The following CNTNAP5 variants were observed in gnomAD, a reference collection of about 807,000 sequenced individuals.
CNTNAP5 encodes contactin-associated protein-like 5.
Under a neutral mutation model 150.2 loss-of-function variants are expected in CNTNAP5, and 72 were observed. The observed-to-expected ratio is 0.48, with a 90% CI of 0.40 to 0.58. CNTNAP5 has a LOEUF of 0.58. Among genes scored for constraint, CNTNAP5 ranks in the 20% least tolerant of loss-of-function variants. The pLI, the probability that CNTNAP5 is intolerant of heterozygous loss-of-function variation, is 0.00. For synonymous variants in CNTNAP5, 672 were observed against 619.8 expected (o/e 1.08, Z -1.25); for missense variants, 1,636 against 1,626.2 (o/e 1.01, Z -0.10).
intron 9 of CNTNAP5, 43 bp downstream of exon 9, chr2:124,524,495 G>A (rs1480024500): frequency 1.3e-6 from 2 of 1,551,414 alleles, no homozygotes; most frequent in Non-Finnish European, 1.8e-6. Context: ...AGAAGGGAGG[G>A]AAATTTAAGT....
chr2:124,175,395 AT>A (rs1317692537), intron 1 of CNTNAP5, among the ~76,000 whole-genome samples: 1 of 151,998 alleles, frequency 6.6e-6, no homozygotes. Flanking sequence ...ATTCCTTATA[AT>A]TTTTTTGCCA....
intron 11 of CNTNAP5, among the ~76,000 whole-genome samples, chr2:124,603,133 T>C (rs973751250): frequency 1.3e-5 from 2 of 151,814 alleles, no homozygotes; most frequent in Admixed American, 6.6e-5. Context: ...GATCTAAGCA[T>C]AGTGTTTGAC....
chr2:124,751,502 A>G (rs1680727261), intron 14 of CNTNAP5, among the ~76,000 whole-genome samples: 1 of 152,244 alleles, frequency 6.6e-6, no homozygotes, highest in African/African-American at 2.4e-5. Context: ...TTATTTATCT[A>G]TCAAACTCTA....
At chr2:124,911,322 G>T in intron 22 of CNTNAP5, 145 bp from the exon 23 acceptor site, 1 of 632,646 alleles carries the variant, frequency 1.6e-6, no homozygotes. Flanking sequence ...CATGTTTTTT[G>T]AGTTCCTTGC....
At chr2:124,831,406 T>C (rs1459886646) in intron 19 of CNTNAP5, among the ~76,000 whole-genome samples, 1 of 151,916 alleles carries the variant, frequency 6.6e-6, no homozygotes, top group Non-Finnish European at 1.5e-5. Context: ...CTTTCTTTCC[T>C]ACTTACTGGT....
Position 124,065,457 on chromosome 2 carries a change from C to T in CNTNAP5, c.82+39725C>T, listed in dbSNP as rs140988010. On this transcript the variant is annotated intron_variant, in intron 1 of 23. Transcript: ENST00000682447. ...ATGTATTCTGTGGGTATAAAAAACC[C>T]CCCAGCAGCTCTGCCCACCACTAAA... Among the ~76,000 whole-genome samples the T allele has an allele frequency of 3.6e-3, 546 of 152,212 alleles. 3 individuals carry two copies. Among genetic ancestry groups the T allele is most frequent in the African/African-American group, 0.013 (525 of 41,530 alleles).
intron 3 of CNTNAP5, among the ~76,000 whole-genome samples, chr2:124,275,890 T>C (rs1687871662): frequency 6.6e-6 from 1 of 152,302 alleles, no homozygotes; most frequent in Admixed American, 6.5e-5. Flanking sequence ...TTGTACCTGG[T>C]CATCAGACTT....
intron 3 of CNTNAP5, among the ~76,000 whole-genome samples, chr2:124,312,455 C>G (rs551378897): frequency 2.0e-5 from 3 of 152,162 alleles, no homozygotes; most frequent in Admixed American, 6.5e-5. Context: ...CCACCCGCCC[C>G]CCGGCTTCAA....
At position 124,747,231 on chromosome 2, in the gene CNTNAP5, G is replaced by A. The variant is rs371976730; in HGVS notation, c.2080G>A (p.Gly694Arg). The change falls in exon 14 of 24, where the codon GGA becomes AGA. Residue 694 changes from glycine (G) to arginine (R), a missense_variant and splice_region_variant. Transcript: ENST00000682447. Reference sequence around the variant, plus strand: ...TGGTGGAATATCTTGTCTTCCAGATGGAACACCATTTACCTGGTGGATTGG... The same window carrying A: ...TGGTGGAATATCTTGTCTTCCAGATAGAACACCATTTACCTGGTGGATTGG... Reference protein sequence around the residue: ...RRSRLLNTPDGTPFTWWIGRS... With the variant: ...RRSRLLNTPDRTPFTWWIGRS... The A allele has an allele frequency of 1.2e-6, 2 of 1,612,096 alleles. No homozygotes were observed. Among genetic ancestry groups the A allele is most frequent in the African/African-American group, 1.3e-5 (1 of 74,874 alleles).
chr2:124,296,924 G>A (rs1573898779), intron 3 of CNTNAP5, among the ~76,000 whole-genome samples: 1 of 152,284 alleles, frequency 6.6e-6, no homozygotes, highest in East Asian at 1.9e-4. Context: ...CTGCAATCCT[G>A]TTCAGCAAAC....
chr2:124,516,045 G>T (rs1475884357), intron 8 of CNTNAP5, among the ~76,000 whole-genome samples: 1 of 152,136 alleles, frequency 6.6e-6, no homozygotes, highest in South Asian at 2.1e-4. Flanking sequence ...GAAATTTCCA[G>T]CTTCAGGGAT....
chr2:124,170,566 A>G (rs7564468), intron 1 of CNTNAP5, among the ~76,000 whole-genome samples: 124 of 152,296 alleles, frequency 8.1e-4, no homozygotes, highest in African/African-American at 2.8e-3. Context: ...ATGCCTCCAG[A>G]TAAACTACAG....
At chr2:124,220,025 T>G (rs1479205673) in intron 1 of CNTNAP5, among the ~76,000 whole-genome samples, 1 of 152,130 alleles carries the variant, frequency 6.6e-6, no homozygotes, top group Non-Finnish European at 1.5e-5. Flanking sequence ...AGTTGATTTT[T>G]TAATACACTT....
At chr2:124,520,965 C>A (rs1193287548) in intron 8 of CNTNAP5, among the ~76,000 whole-genome samples, 8 of 152,130 alleles carry the variant, frequency 5.3e-5, no homozygotes, top group Admixed American at 5.2e-4. Context: ...GATCTGTTAA[C>A]AGAATGAAGT....
chr2:124,566,397 C>T (rs530556659), intron 11 of CNTNAP5, among the ~76,000 whole-genome samples: 2 of 152,136 alleles, frequency 1.3e-5, no homozygotes, highest in Non-Finnish European at 2.9e-5. Flanking sequence ...TTACTTCATC[C>T]ATCAGGCTAA....
intron 19 of CNTNAP5, among the ~76,000 whole-genome samples, chr2:124,844,740 T>C (rs1475599288): frequency 6.6e-6 from 1 of 151,808 alleles, no homozygotes; most frequent in Non-Finnish European, 1.5e-5. Context: ...CAATGTGAAA[T>C]GGGTTGAGAT....
rs72978539 is a variant in CNTNAP5 at position 124,692,202 on chromosome 2, A to G, written c.2077+44244A>G. On this transcript the variant is annotated intron_variant, in intron 13 of 23. Coordinates refer to ENST00000682447, the MANE Select transcript of CNTNAP5 (RefSeq NM_001367498.1). ...GGTCACAGTGAATATCACATTAGAAAGCAACAGCCCAGGAAATTCTGAGAA... is the reference window on the plus strand; with the variant it reads ...GGTCACAGTGAATATCACATTAGAAGGCAACAGCCCAGGAAATTCTGAGAA... Among the ~76,000 whole-genome samples, 669 of 152,236 alleles carry G rather than the reference A, an allele frequency of 4.4e-3. 6 individuals carry two copies. Among genetic ancestry groups the G allele is most frequent in the African/African-American group, 0.016 (648 of 41,564 alleles).
chr2:124,517,704 G>T (rs1694758297), intron 8 of CNTNAP5, among the ~76,000 whole-genome samples: 1 of 131,820 alleles, frequency 7.6e-6, no homozygotes, highest in South Asian at 2.7e-4. Flanking sequence ...GAGGGTTGTG[G>T]TGGTGATGGG....
chr2:124,248,515 C>T (rs1266466856), intron 3 of CNTNAP5, among the ~76,000 whole-genome samples: 3 of 152,232 alleles, frequency 2.0e-5, no homozygotes, highest in Non-Finnish European at 4.4e-5. Context: ...CAGGGAAAAA[C>T]TGGCCAATCA....
Sources: allele counts gnomAD v4.1 joint callset (sites outside exome capture counted in the v4.1 genomes callset), GRCh38; gene constraint gnomAD v4.1.1; transcripts MANE v1.5; gene names NCBI Gene and HGNC (gene_info 2026-07-23, HGNC 2026-07-21).